Variants in LAMA2 observed in about 807,000 individuals in gnomAD.
LAMA2 encodes the protein laminin subunit alpha-2.
In LAMA2, 269 loss-of-function variants were observed where a neutral mutation model predicts 364.8. The observed-to-expected ratio is 0.74, with a 90% confidence interval of 0.67 to 0.82. The LOEUF is 0.82. Among genes scored for constraint, LAMA2 ranks in the 40% least tolerant of loss-of-function variants. The pLI, the probability that LAMA2 is intolerant of heterozygous loss-of-function variation, is 0.00. For synonymous variants in LAMA2, 1,379 were observed against 1,370.6 expected, an observed-to-expected ratio of 1.01 and a Z score of -0.14; for missense variants, 3,807 against 3,873.2, an observed-to-expected ratio of 0.98 and a Z score of 0.45.
intron 40 of LAMA2, among the ~76,000 whole-genome samples, chr6:129,415,136 T>C (rs1372799940): frequency 6.6e-6 from 1 of 152,242 alleles, no homozygotes; most frequent in Non-Finnish European, 1.5e-5. Flanking sequence ...TTCTTCCCTT[T>C]AGCTTCCTTT....
chr6:128,995,661 C>A (rs1360578604), intron 1 of LAMA2, among the ~76,000 whole-genome samples: 1 of 152,124 alleles, frequency 6.6e-6, no homozygotes, highest in Non-Finnish European at 1.5e-5. Context: ...TTCTCTCTCT[C>A]CCCTCTGTTG....
intron 33 of LAMA2, among the ~76,000 whole-genome samples, chr6:129,368,503 G>A (rs560963153): frequency 9.9e-5 from 15 of 152,266 alleles, no homozygotes; most frequent in African/African-American, 3.1e-4. Context: ...AAAGAATGCC[G>A]ATCAGTTATT....
intron 1 of LAMA2, among the ~76,000 whole-genome samples, chr6:128,946,308 C>T (rs1236836674): frequency 1.3e-5 from 2 of 152,084 alleles, no homozygotes; most frequent in Non-Finnish European, 2.9e-5. Context: ...CCTAGCCTAC[C>T]TTTAACATAC....
intron 1 of LAMA2, among the ~76,000 whole-genome samples, chr6:129,041,242 A>G (rs143462958): frequency 3.1e-3 from 473 of 152,306 alleles, no homozygotes; most frequent in Middle Eastern, 6.8e-3. Flanking sequence ...TAATTGTTCA[A>G]TGAATTTCTC....
chr6:128,995,255 T>C (rs571000281), intron 1 of LAMA2, among the ~76,000 whole-genome samples: 1 of 152,272 alleles, frequency 6.6e-6, no homozygotes, highest in East Asian at 1.9e-4. Context: ...TCACACAAGA[T>C]ATATTGTGTG....
At chr6:129,194,130 C>T (rs1781700763) in intron 12 of LAMA2, among the ~76,000 whole-genome samples, 1 of 151,326 alleles carries the variant, frequency 6.6e-6, no homozygotes, top group Admixed American at 6.6e-5. Context: ...CTGGTATTCC[C>T]AAAAGAACAA....
chr6:129,263,230 A>G (rs1787261438), intron 15 of LAMA2, among the ~76,000 whole-genome samples: 1 of 152,220 alleles, frequency 6.6e-6, no homozygotes, highest in Non-Finnish European at 1.5e-5. Flanking sequence ...AAATAGTGCC[A>G]TTAACAATAC....
intron 54 of LAMA2, among the ~76,000 whole-genome samples, chr6:129,480,752 T>G (rs2784897): frequency 0.34 from 52,305 of 151,998 alleles, 10,147 homozygotes; most frequent in African/African-American, 0.54. Flanking sequence ...GCGATGTTTG[T>G]TTTATTTATT....
intron 1 of LAMA2, among the ~76,000 whole-genome samples, chr6:129,015,239 G>A (rs899789659): frequency 1.3e-5 from 2 of 151,962 alleles, no homozygotes; most frequent in Non-Finnish European, 2.9e-5. Flanking sequence ...ACACATACAG[G>A]TTTAGGCTGA....
chr6:128,993,025 T>A (rs1380350223), intron 1 of LAMA2, among the ~76,000 whole-genome samples: 1 of 152,192 alleles, frequency 6.6e-6, no homozygotes, highest in African/African-American at 2.4e-5. Context: ...GACTCATCAC[T>A]GGTGCTATTT....
Position 129,492,089 on chromosome 6 carries a change from T to C in LAMA2, c.8075+12T>C, listed in dbSNP as rs768840138. The C allele has an allele frequency of 1.8e-5, 29 of 1,606,536 alleles. No homozygotes were observed. Among genetic ancestry groups the C allele is most frequent in the Non-Finnish European group, 2.5e-5 (29 of 1,173,210 alleles). On this transcript the variant is annotated intron_variant, in intron 57 of 64. Transcript: ENST00000421865. Reference sequence around the variant, plus strand: ...GTTATTAACTCTGTGTAAGTGGATCTCCTCATTACTACTACTAATTTTTTA... The same window carrying C: ...GTTATTAACTCTGTGTAAGTGGATCCCCTCATTACTACTACTAATTTTTTA...
intron 22 of LAMA2, among the ~76,000 whole-genome samples, chr6:129,308,672 C>A: frequency 6.6e-6 from 1 of 152,070 alleles, no homozygotes; most frequent in East Asian, 1.9e-4. Context: ...CTGTATCAGA[C>A]AATTCTTGCA....
In LAMA2 at chr6:129,514,541, C is replaced by G. The variant is rs777133873; in HGVS notation, c.9157C>G (p.Pro3053Ala). Residue 3053 changes from proline to alanine, a missense_variant, in exon 64 of 65, where the codon CCA becomes GCA. Physicochemically the swap from Pro to Ala is conservative, Grantham distance 27. Transcript: ENST00000421865. The part of the protein sequence containing the change: ...GNQVEAQSPN[P>A]ASTSADTNDP... ...CCAGGTGGAAGCCCAAAGCCCAAAC[C>G]CAGCATCTACATCAGCTGACACAAA... 1 of 1,614,134 alleles carries G rather than the reference C, an allele frequency of 6.2e-7. No individual in the cohort carries two copies. The highest frequency in any genetic ancestry group is 8.5e-7 in the Non-Finnish European group (1 of 1,180,010).
intron 3 of LAMA2, among the ~76,000 whole-genome samples, chr6:129,068,614 T>C (rs879809126): frequency 6.6e-6 from 1 of 151,948 alleles, no homozygotes; most frequent in Non-Finnish European, 1.5e-5. Context: ...GGGGTTAGGA[T>C]TTCAACATAT....
At chr6:128,962,455 G>T (rs1781594808) in intron 1 of LAMA2, among the ~76,000 whole-genome samples, 1 of 151,818 alleles carries the variant, frequency 6.6e-6, no homozygotes, top group Non-Finnish European at 1.5e-5. Context: ...ACGTTTAGAG[G>T]GTAGCTTAAG....
At chr6:128,931,673 A>T (rs1187389129) in intron 1 of LAMA2, among the ~76,000 whole-genome samples, 1 of 152,214 alleles carries the variant, frequency 6.6e-6, no homozygotes, top group Non-Finnish European at 1.5e-5. Context: ...ATGTCTAGTC[A>T]TAGTCTTTCA....
At chr6:129,283,818 A>C (rs959233947) in intron 18 of LAMA2, among the ~76,000 whole-genome samples, 14 of 151,932 alleles carry the variant, frequency 9.2e-5, no homozygotes, top group Admixed American at 7.9e-4. Flanking sequence ...TTCACTTGTG[A>C]GTCTCCTTGT....
chr6:129,144,562 G>A (rs960168256), intron 5 of LAMA2, among the ~76,000 whole-genome samples: 2 of 151,946 alleles, frequency 1.3e-5, no homozygotes, highest in Non-Finnish European at 2.9e-5. Flanking sequence ...TATGGGATTA[G>A]CCAGTGATCT....
intron 29 of LAMA2, among the ~76,000 whole-genome samples, chr6:129,335,548 C>G (rs1775910702): frequency 6.6e-6 from 1 of 151,560 alleles, no homozygotes; most frequent in Admixed American, 6.6e-5. Context: ...TATTTTCACT[C>G]TATCATAATT....
Sources: allele counts gnomAD v4.1 joint callset (sites outside exome capture counted in the v4.1 genomes callset), GRCh38; gene constraint gnomAD v4.1.1; transcripts MANE v1.5; gene names NCBI Gene and HGNC (gene_info 2026-07-23, HGNC 2026-07-21).